The following DENND4A variants were observed in gnomAD, a reference collection of about 807,000 sequenced individuals.
DENND4A encodes DENN domain containing 4A, also known as C-myc promoter-binding protein.
Under a neutral mutation model 199.3 loss-of-function variants are expected in DENND4A, and 70 were observed. The ratio of observed to expected loss-of-function variants is 0.35; its 90% confidence interval spans 0.29 to 0.43. The LOEUF is 0.43. Ranked by LOEUF, DENND4A falls within the 20% of genes least tolerant of loss-of-function variation. The pLI, the probability that DENND4A is intolerant of heterozygous loss-of-function variation, is 1.00. For missense variants in DENND4A, 1,723 were observed against 2,255.8 expected (o/e 0.76, Z 4.78); for synonymous variants, 686 against 766.9 (o/e 0.89, Z 1.74).
intron 1 of DENND4A, among the ~76,000 whole-genome samples, chr15:65,770,110 C>G (rs1596660960): frequency 6.6e-6 from 1 of 152,246 alleles, no homozygotes; most frequent in East Asian, 1.9e-4. Context: ...CTCACACTTG[C>G]ATGTGGCCAA....
chr15:65,727,717 T>G (rs1343900214), intron 11 of DENND4A: 4 of 208,426 alleles, frequency 1.9e-5, no homozygotes, highest in Non-Finnish European at 4.0e-5. Flanking sequence ...TCATAGTTAT[T>G]ATAAACATGT....
chr15:65,661,802 T>A lies in DENND4A; in HGVS notation c.*49A>T, dbSNP rs2075850316. ...TTTAGAGTCTAAAAGTGTTATTTTA[T>A]ACACTGACTATACAATATACATTGA... On this transcript the variant is annotated 3_prime_UTR_variant, in exon 33 of 33. Coordinates refer to ENST00000443035, the MANE Select transcript of DENND4A (RefSeq NM_001320835.1). The A allele has an allele frequency of 2.7e-6, 4 of 1,466,806 alleles. No homozygotes were observed. Among genetic ancestry groups the A allele is most frequent in the Non-Finnish European group, 3.7e-6 (4 of 1,088,272 alleles). 90.9% of individuals were successfully genotyped at this position (1,466,806 alleles called of 1,614,324 possible). A position where few individuals can be genotyped will look rare whatever the true frequency, so the allele number is the denominator to read the frequency against.
chr15:65,772,706 CAAAAAAAAAAAAAA>C (rs34181353), intron 1 of DENND4A, among the ~76,000 whole-genome samples: 26 of 33,598 alleles, frequency 7.7e-4, no homozygotes, highest in South Asian at 2.2e-3. Context: ...GACTCCGTCT[CAAAAAAAAAAAAAA>C]AAAAAAAAAA....
In DENND4A at chr15:65,703,024, C is replaced by A; in HGVS notation, c.2088-16G>T. The A allele has an allele frequency of 6.2e-7, 1 of 1,602,354 alleles. No individual in the cohort carries two copies. The highest frequency in any genetic ancestry group is 8.5e-7 in the Non-Finnish European group (1 of 1,175,224). ...TCCATTATAGCTGTTTTAGAAAAAACAAAACAAAACAAAAAAGAGTTCTCA... is the reference window on the plus strand; with the variant it reads ...TCCATTATAGCTGTTTTAGAAAAAAAAAAACAAAACAAAAAAGAGTTCTCA... On this transcript the variant is annotated splice_polypyrimidine_tract_variant and intron_variant, in intron 15 of 32. Transcript: ENST00000443035.
intron 10 of DENND4A, 129 bp downstream of exon 10, chr15:65,729,405 A>G: frequency 7.1e-7 from 1 of 1,410,470 alleles, no homozygotes. Context: ...GGAAATCAAA[A>G]CTGCTTTCAA....
chr15:65,712,761 CAT>C (rs895132785), intron 14 of DENND4A, among the ~76,000 whole-genome samples: 6 of 152,022 alleles, frequency 3.9e-5, no homozygotes, highest in African/African-American at 1.2e-4. Flanking sequence ...TTCACAGTCA[CAT>C]AAATTTGAAA....
At chr15:65,767,140 G>A (rs1048474691) in intron 1 of DENND4A, 1 of 152,154 alleles carries the variant, frequency 6.6e-6, no homozygotes, top group Non-Finnish European at 1.5e-5. Context: ...TTTACTCAAT[G>A]GATGAGGTCA....
At chr15:65,681,196 C>T (rs2076561856) in intron 23 of DENND4A, 1 of 152,198 alleles carries the variant, frequency 6.6e-6, no homozygotes, top group Non-Finnish European at 1.5e-5. Context: ...GGGGTTTTTG[C>T]TATTTTCACC....
intron 1 of DENND4A, among the ~76,000 whole-genome samples, chr15:65,774,868 CTTT>C (rs397854207): frequency 1.8e-5 from 2 of 112,060 alleles, no homozygotes; most frequent in Non-Finnish European, 3.6e-5. Flanking sequence ...CAAATGTTTA[CTTT>C]TTTTTTTTTT....
At chr15:65,741,851 C>T in intron 4 of DENND4A, 67 bp from the exon 5 acceptor site, 2 of 1,295,858 alleles carry the variant, frequency 1.5e-6, no homozygotes, top group African/African-American at 2.9e-5. Flanking sequence ...AATGGAATCT[C>T]TTTGAGCTCT....
Position 65,756,138 on chromosome 15 carries a change from A to G in DENND4A, c.311+2T>C, listed in dbSNP as rs779258113. The G allele has an allele frequency of 1.3e-6, 2 of 1,589,072 alleles. No individual in the cohort carries two copies. The highest frequency in any genetic ancestry group is 1.7e-6 in the Non-Finnish European group (2 of 1,169,972). On this transcript the variant is annotated splice_donor_variant, in intron 3 of 32. Transcript: ENST00000443035. LOFTEE classifies it high-confidence loss of function. ...CAGTAAGTCGTTTAAAAAAATACTT[A>G]CCCCAGATCTGTAAGTGGAGGCTTA...
At position 65,661,768 on chromosome 15, in the gene DENND4A, G is replaced by C; in HGVS notation, c.*83C>G. On this transcript the variant is annotated 3_prime_UTR_variant, in exon 33 of 33. Transcript: ENST00000443035. ...ACAAATTGTATTTTCAAAAATTGAAGAAAAAATATTTAGAGTCTAAAAGTG... is the reference window on the plus strand; with the variant it reads ...ACAAATTGTATTTTCAAAAATTGAACAAAAAATATTTAGAGTCTAAAAGTG... 4.0e-6 allele frequency: 5 copies of C among 1,237,118 alleles called. No individual in the cohort carries two copies. The highest frequency in any genetic ancestry group is 5.4e-6 in the Non-Finnish European group (5 of 922,182). 76.6% of individuals were successfully genotyped at this position (1,237,118 alleles called of 1,614,324 possible).
At chr15:65,778,279 A>G (rs917702693) in intron 1 of DENND4A, among the ~76,000 whole-genome samples, 23 of 152,204 alleles carry the variant, frequency 1.5e-4, no homozygotes, top group African/African-American at 5.3e-4. Context: ...AGTTACTACA[A>G]TTTTGACCAA....
chr15:65,789,211 G>C (rs1414793367), intron 1 of DENND4A, among the ~76,000 whole-genome samples: 1 of 152,034 alleles, frequency 6.6e-6, no homozygotes, highest in Non-Finnish European at 1.5e-5. Flanking sequence ...TTTTGAGACA[G>C]GGTCTTACTC....
In DENND4A at chr15:65,667,712, T is replaced by G. The variant is rs1446139459; in HGVS notation, c.4987-9A>C. On this transcript the variant is annotated splice_polypyrimidine_tract_variant and intron_variant, in intron 28 of 32. Transcript: ENST00000443035. ...TCTAAACCTAAAGAATCCTGTTGAA[T>G]AAATAAAAACCATAAATGGCAAATG... The G allele has an allele frequency of 6.2e-7, 1 of 1,600,042 alleles. No individual in the cohort carries two copies. The highest frequency in any genetic ancestry group is 8.5e-7 in the Non-Finnish European group (1 of 1,175,652).
Position 65,676,579 on chromosome 15 carries a change from G to A in DENND4A, c.4235C>T (p.Ser1412Phe). The A allele has an allele frequency of 6.2e-7, 1 of 1,613,574 alleles. No individual in the cohort carries two copies. The highest frequency in any genetic ancestry group is 8.5e-7 in the Non-Finnish European group (1 of 1,179,714). ...GACATCTTCATCTGTTAAAGAGGTA[G>A]ATTCAGAATCCTGGGCTCCCACTGA... ...LSSVGAQDSE[S>F]TSLTDEDVCH... The change falls in exon 24 of 33, where the codon TCT (serine) becomes TTT (phenylalanine). Residue 1412 changes from serine to phenylalanine, a missense_variant. Physicochemically the swap from Ser to Phe is radical, Grantham distance 155. Around this residue, in one of 6 missense-constraint regions of DENND4A, gnomAD observed 650 missense variants for 738.1 expected, o/e 0.88. Coordinates refer to ENST00000443035, the MANE Select transcript of DENND4A (RefSeq NM_001320835.1).
intron 24 of DENND4A, among the ~76,000 whole-genome samples, chr15:65,672,194 T>C (rs918317072): frequency 6.6e-6 from 1 of 152,228 alleles, no homozygotes; most frequent in Non-Finnish European, 1.5e-5. Flanking sequence ...TAGTAATTAT[T>C]GTGCTGTTTC....
chr15:65,738,595 G>T, intron 6 of DENND4A, 111 bp downstream of exon 6: 1 of 895,774 alleles, frequency 1.1e-6, no homozygotes, highest in Non-Finnish European at 1.6e-6. Flanking sequence ...AACTGGAAAA[G>T]TATGCATAAT....
chr15:65,730,821 G>A (rs2075935322), intron 9 of DENND4A, among the ~76,000 whole-genome samples: 1 of 151,970 alleles, frequency 6.6e-6, no homozygotes, highest in Non-Finnish European at 1.5e-5. Context: ...AGTGATAGCT[G>A]CAGAACTCTG....
Sources: allele counts gnomAD v4.1 joint callset (sites outside exome capture counted in the v4.1 genomes callset), GRCh38; gene constraint gnomAD v4.1.1; regional missense constraint gnomAD v4.1.1; transcripts MANE v1.5; gene names NCBI Gene and HGNC (gene_info 2026-07-23, HGNC 2026-07-21).